PROSER2: variants seen among roughly 807,000 people sequenced by gnomAD.
The protein encoded by PROSER2 is proline and serine rich 2, also known as proline and serine-rich protein 2.
Under a neutral mutation model 14.6 loss-of-function variants are expected in PROSER2, and 18 were observed. That is an observed-to-expected ratio of 1.23 (90% confidence interval 0.85 to 1.83). PROSER2 has a LOEUF of 1.83. Ranked by LOEUF, PROSER2 falls within the 40% of genes most tolerant of loss-of-function variation. The pLI is 0.00. For missense variants in PROSER2, 823 were observed against 629.8 expected (o/e 1.31, Z -3.28); for synonymous variants, 367 against 286.4 (o/e 1.28, Z -2.84).
At chr10:11,845,601 C>T (rs865931095) in intron 1 of PROSER2, among the ~76,000 whole-genome samples, 1 of 152,088 alleles carries the variant, frequency 6.6e-6, no homozygotes, top group Non-Finnish European at 1.5e-5. Context: ...TGGTTCGGTA[C>T]CTAGAGGACA....
chr10:11,869,932 G>A lies in PROSER2; in HGVS notation c.834G>A (p.Val278=), dbSNP rs2131099926. The part of the protein sequence containing the change: ...RRTLSRAAVS[V]QERRAQVLAT... ...CCCTGTCCAGGGCGGCCGTCAGCGT[G>A]CAGGAGCGCAGGGCGCAGGTGTTGG... Residue 278 remains valine, a synonymous_variant, in exon 4 of 4, where the codon GTG becomes GTA. Coordinates refer to ENST00000277570, the MANE Select transcript of PROSER2 (RefSeq NM_153256.4). This position sits in a 1 kb window ranked among gnomAD's most constrained non-coding sequence, Gnocchi z 4.4. 6.5e-7 allele frequency: 1 copy of A among 1,543,384 alleles called. No homozygotes were observed. Among genetic ancestry groups the A allele is most frequent in the Non-Finnish European group, 8.7e-7 (1 of 1,149,274 alleles).
Position 11,869,961 on chromosome 10 carries a change from C to T in PROSER2, c.863C>T (p.Thr288Ile), listed in dbSNP as rs1045715537. 2 of 1,385,670 alleles carry T rather than the reference C, an allele frequency of 1.4e-6. No individual in the cohort carries two copies. The highest frequency in any genetic ancestry group is 1.9e-6 in the Non-Finnish European group (2 of 1,072,824). The allele number at this position is 1,385,670 out of a possible 1,614,324, so 85.8% of individuals were successfully genotyped here. ...VQERRAQVLA[T>I]IHGHAGAFPA... ...GAGCGCAGGGCGCAGGTGTTGGCCA[C>T]CATCCACGGCCACGCCGGCGCCTTC... The change falls in exon 4 of 4, where the codon ACC (threonine) becomes ATC (isoleucine). Residue 288 changes from threonine (T) to isoleucine (I), a missense_variant. By Grantham distance (89) the Thr-to-Ile change is moderately conservative. Transcript: ENST00000277570. The surrounding 1 kb of genome is among the most constrained non-coding windows in gnomAD (Gnocchi z 4.4).
Position 11,866,693 on chromosome 10 carries a change from C to A in PROSER2, c.301C>A (p.Pro101Thr). Residue 101 changes from proline (P) to threonine (T), a missense_variant, in exon 3 of 4, where the codon CCC becomes ACC. Pro to Thr is a conservative substitution (Grantham distance 38). Transcript: ENST00000277570. The surrounding 1 kb of genome is among the most constrained non-coding windows in gnomAD (Gnocchi z 6.0). ...GTCTCTGGAGGAGAGCACCTCCAGT[C>A]CCTCCGAGCCTGAAGATGTCATCGA... The part of the protein sequence containing the change: ...SPSLEESTSS[P>T]SEPEDVIDLV... 6.2e-7 allele frequency: 1 copy of A among 1,614,104 alleles called. No individual in the cohort carries two copies. The highest frequency in any genetic ancestry group is 8.5e-7 in the Non-Finnish European group (1 of 1,180,030).
chr10:11,867,438 G>T (rs1021405287), intron 3 of PROSER2, among the ~76,000 whole-genome samples: 1 of 152,106 alleles, frequency 6.6e-6, no homozygotes, highest in Non-Finnish European at 1.5e-5. Context: ...TTCAAGACCA[G>T]CCTGGCCAAC....
Position 11,866,786 on chromosome 10 carries a change from G to A in PROSER2, c.391+3G>A. ...TCCAGAGGGGACCCAGGCAGCAGGT[G>A]AGGGGGAAGACAGGCCATCCCTGGG... is the stretch of plus-strand genomic sequence containing the variant. On this transcript the variant is annotated splice_donor_region_variant and intron_variant, in intron 3 of 3. Coordinates refer to ENST00000277570, the MANE Select transcript of PROSER2 (RefSeq NM_153256.4). The surrounding 1 kb of genome is among the most constrained non-coding windows in gnomAD (Gnocchi z 6.0). The A allele has an allele frequency of 1.2e-6, 2 of 1,608,682 alleles. No individual in the cohort carries two copies. Among genetic ancestry groups the A allele is most frequent in the African/African-American group, 2.7e-5 (2 of 75,008 alleles).
At position 11,871,718 on chromosome 10, in the gene PROSER2, G is replaced by A. The variant is rs1276222796; in HGVS notation, c.*1312G>A. 6.6e-6 allele frequency: 1 copy of A among 152,224 alleles called. No homozygotes were observed. Among genetic ancestry groups the A allele is most frequent in the Non-Finnish European group, 1.5e-5 (1 of 68,026 alleles). 9.4% of individuals were successfully genotyped at this position (152,224 alleles called of 1,614,324 possible). ...AGTCTTAGACCTCTAAAAATAGACA[G>A]GAAGGGCTGCCCTGAGCAGTGACAC... On this transcript the variant is annotated 3_prime_UTR_variant, in exon 4 of 4. Coordinates refer to ENST00000277570, the MANE Select transcript of PROSER2 (RefSeq NM_153256.4).
At chr10:11,855,345 G>A (rs1002326631) in intron 2 of PROSER2, among the ~76,000 whole-genome samples, 1 of 151,702 alleles carries the variant, frequency 6.6e-6, no homozygotes, top group East Asian at 1.9e-4. Context: ...GTGTTGGCGG[G>A]CGCCTGTAGT....
intron 2 of PROSER2, among the ~76,000 whole-genome samples, chr10:11,857,801 G>A (rs562441865): frequency 4.0e-5 from 6 of 150,436 alleles, no homozygotes; most frequent in South Asian, 4.2e-4. Context: ...AAACTGTGCC[G>A]CGCCCACTTC....
rs1370381396 is a variant in PROSER2, at chr10:11,823,660, C to T, written c.-82+190C>T. On this transcript the variant is annotated intron_variant, in intron 1 of 3. Transcript: ENST00000277570. This position sits in a 1 kb window ranked among gnomAD's most constrained non-coding sequence, Gnocchi z 6.2. ...CGCCGCCGCAGAGGCCACCCGGTGC[C>T]CGACCCCCGACCCCGGGGCGTCGCT... is the stretch of plus-strand genomic sequence containing the variant. 6.6e-6 allele frequency among the ~76,000 whole-genome samples: 1 copy of T among 151,896 alleles called. No homozygotes were observed. Among genetic ancestry groups the T allele is most frequent in the East Asian group, 1.9e-4 (1 of 5,140 alleles).
chr10:11,847,803 C>CT (rs1390809497), intron 1 of PROSER2, among the ~76,000 whole-genome samples: 2 of 152,338 alleles, frequency 1.3e-5, no homozygotes, highest in East Asian at 3.9e-4. Flanking sequence ...CACTAAAACT[C>CT]TAAAACTTCG....
At chr10:11,824,088 A>G (rs867192554) in intron 1 of PROSER2, among the ~76,000 whole-genome samples, 1 of 152,236 alleles carries the variant, frequency 6.6e-6, no homozygotes, top group South Asian at 2.1e-4. Context: ...AAAGTTTCCC[A>G]GTATTGTTTT....
chr10:11,847,313 C>G (rs968990025), intron 1 of PROSER2, among the ~76,000 whole-genome samples: 1 of 152,112 alleles, frequency 6.6e-6, no homozygotes, highest in African/African-American at 2.4e-5. Flanking sequence ...CTGTTCCCAG[C>G]GCAGCCCGCT....
At chr10:11,848,648 AC>A (rs1237114995) in intron 1 of PROSER2, among the ~76,000 whole-genome samples, 1 of 151,930 alleles carries the variant, frequency 6.6e-6, no homozygotes, top group Non-Finnish European at 1.5e-5. Context: ...GTGCCCCCCT[AC>A]CTGTCGGCAA....
At chr10:11,847,207 A>G (rs1306100815) in intron 1 of PROSER2, among the ~76,000 whole-genome samples, 1 of 149,928 alleles carries the variant, frequency 6.7e-6, no homozygotes, top group Non-Finnish European at 1.5e-5. Flanking sequence ...CTTTTCTTCA[A>G]CCCCATTTTC....
At chr10:11,827,574 A>C (rs559703076) in intron 1 of PROSER2, among the ~76,000 whole-genome samples, 3 of 152,000 alleles carry the variant, frequency 2.0e-5, no homozygotes, top group Non-Finnish European at 4.4e-5. Context: ...TCTTGACCCC[A>C]AGCCTGGGGT....
At position 11,866,254 on chromosome 10, in the gene PROSER2, G is replaced by A. The variant is rs548168335; in HGVS notation, c.139-277G>A. Among the ~76,000 whole-genome samples the A allele has an allele frequency of 6.6e-5, 10 of 152,186 alleles. No homozygotes were observed. Among genetic ancestry groups the A allele is most frequent in the African/African-American group, 1.9e-4 (8 of 41,434 alleles). ...GACTGCAGCTCTCCAGTGTGCTCCC[G>A]AGAGGGTGCTTTTTGTCATTGACTT... On this transcript the variant is annotated intron_variant, in intron 2 of 3. Coordinates refer to ENST00000277570, the MANE Select transcript of PROSER2 (RefSeq NM_153256.4). The surrounding 1 kb of genome is among the most constrained non-coding windows in gnomAD (Gnocchi z 6.0).
Position 11,828,301 on chromosome 10 carries a change from GAA to G in PROSER2, c.-82+4846_-82+4847del, listed in dbSNP as rs11297440. Among the ~76,000 whole-genome samples, 294 of 136,238 alleles carry G rather than the reference GAA, an allele frequency of 2.2e-3. 1 individual carries two copies. Among genetic ancestry groups the G allele is most frequent in the Admixed American group, 8.8e-3 (119 of 13,502 alleles). The allele number at this position is 136,238 out of a possible 152,430, so 89.4% of individuals were successfully genotyped here. On this transcript the variant is annotated intron_variant, in intron 1 of 3. Coordinates refer to ENST00000277570, the MANE Select transcript of PROSER2 (RefSeq NM_153256.4). ...TATTACTTAAAGGAACTCTCTGTGT[GAA>G]AAAAAAAAAAAAAAGTCTATACTCC...
rs1383761256 is a variant in PROSER2 at position 11,865,768 on chromosome 10, C to CT, written c.139-762dup. Among the ~76,000 whole-genome samples the CT allele has an allele frequency of 6.6e-6, 1 of 152,226 alleles. No individual in the cohort carries two copies. The highest frequency in any genetic ancestry group is 1.5e-5 in the Non-Finnish European group (1 of 68,048). On this transcript the variant is annotated intron_variant, in intron 2 of 3. Transcript: ENST00000277570. This position sits in a 1 kb window ranked among gnomAD's most constrained non-coding sequence, Gnocchi z 4.2. ...TCCGTGGCCCCACTTCAGGGTTCCT[C>CT]TGTCACCTTTTTCGAGAGTAACTGG...
At position 11,870,028 on chromosome 10, in the gene PROSER2, C is replaced by T; in HGVS notation, c.930C>T (p.Gly310=). 6 of 1,240,926 alleles carry T rather than the reference C, an allele frequency of 4.8e-6. No homozygotes were observed. The highest frequency in any genetic ancestry group is 6.0e-6 in the Non-Finnish European group (6 of 993,326). The allele number at this position is 1,240,926 out of a possible 1,614,324, so 76.9% of individuals were successfully genotyped here. A position where few individuals can be genotyped will look rare whatever the true frequency, so the allele number is the denominator to read the frequency against. The change falls in exon 4 of 4, where the codon GGC becomes GGT. Residue 310 remains glycine (G), a synonymous_variant. Coordinates refer to ENST00000277570, the MANE Select transcript of PROSER2 (RefSeq NM_153256.4). ...GDAGEGAPGG[G]SSPERVARGR... ...CCGGCGAGGGGGCCCCAGGGGGCGGCTCCTCCCCGGAGCGGGTGGCGCGTG... is the reference window on the plus strand; with the variant it reads ...CCGGCGAGGGGGCCCCAGGGGGCGGTTCCTCCCCGGAGCGGGTGGCGCGTG...
Sources: allele counts gnomAD v4.1 joint callset (sites outside exome capture counted in the v4.1 genomes callset), GRCh38; gene constraint gnomAD v4.1.1; non-coding constraint Gnocchi (gnomAD v3.1); transcripts MANE v1.5; gene names NCBI Gene and HGNC (gene_info 2026-07-23, HGNC 2026-07-21).